The following EXOC4 variants were observed in gnomAD, a reference collection of about 807,000 sequenced individuals.
EXOC4 encodes exocyst complex component 4, also known as SEC8-like 1.
Under a neutral mutation model 107.2 loss-of-function variants are expected in EXOC4, and 71 were observed. The ratio of observed to expected loss-of-function variants is 0.66; its 90% CI spans 0.55 to 0.81. The LOEUF is 0.81. Among genes scored for constraint, EXOC4 ranks in the 30% least tolerant of loss-of-function variants. The pLI, the probability that EXOC4 is intolerant of heterozygous loss-of-function variation, is 0.00. For synonymous variants in EXOC4, 456 were observed against 441.2 expected, an observed-to-expected ratio of 1.03 and a Z score of -0.42; for missense variants, 1,108 against 1,189.6, an observed-to-expected ratio of 0.93 and a Z score of 1.01.
intron 1 of EXOC4, among the ~76,000 whole-genome samples, chr7:133,263,363 A>T (rs2150508848): frequency 6.6e-6 from 1 of 151,264 alleles, no homozygotes; most frequent in Admixed American, 6.6e-5. Flanking sequence ...TATGTTTTTT[A>T]AAAAAGCATT....
intron 9 of EXOC4, among the ~76,000 whole-genome samples, chr7:133,588,359 A>G (rs1004454794): frequency 6.6e-6 from 1 of 152,160 alleles, no homozygotes; most frequent in Non-Finnish European, 1.5e-5. Context: ...AAAATATTAA[A>G]TGATATCCTA....
intron 9 of EXOC4, among the ~76,000 whole-genome samples, chr7:133,501,522 T>A (rs2150887645): frequency 6.6e-6 from 1 of 152,262 alleles, no homozygotes. Context: ...ATATGTGTGA[T>A]AATATATGTC....
rs1163259405 is a variant in EXOC4 at position 133,787,963 on chromosome 7, TTATATATATATATATATATATATA to T, written c.1515-29336_1515-29313del. Among the ~76,000 whole-genome samples, 283 of 40,976 alleles carry T rather than the reference TTATATATATATATATATATATATA, an allele frequency of 6.9e-3. 15 individuals carry two copies. The highest frequency in any genetic ancestry group is 0.021 in the African/African-American group (250 of 12,166). 26.9% of individuals were successfully genotyped at this position (40,976 alleles called of 152,430 possible). A position where few individuals can be genotyped will look rare whatever the true frequency, so the allele number is the denominator to read the frequency against. On this transcript the variant is annotated intron_variant, in intron 10 of 17. Transcript: ENST00000253861. ...CTTCCCTGTGCATATATTTATATAT[TTATATATATATATATATATATATA>T]TATATATATATATATATATATATAT...
At chr7:133,581,749 C>T (rs1319126883) in intron 9 of EXOC4, among the ~76,000 whole-genome samples, 1 of 100,262 alleles carries the variant, frequency 1.0e-5, no homozygotes, top group African/African-American at 4.4e-5. Context: ...AAGAGTGAGA[C>T]TCCGTCTCAA....
At chr7:133,385,458 C>T (rs141595773) in intron 7 of EXOC4, among the ~76,000 whole-genome samples, 46 of 152,230 alleles carry the variant, frequency 3.0e-4, no homozygotes, top group African/African-American at 1.1e-3. Context: ...ACGTGATTAC[C>T]GGATTCAGCA....
At chr7:134,014,524 T>C (rs1794854009) in intron 17 of EXOC4, among the ~76,000 whole-genome samples, 1 of 152,200 alleles carries the variant, frequency 6.6e-6, no homozygotes. Context: ...TGAAACATTA[T>C]GTTAAATTTA....
intron 11 of EXOC4, among the ~76,000 whole-genome samples, chr7:133,827,283 G>A (rs183389380): frequency 2.6e-5 from 4 of 152,108 alleles, no homozygotes; most frequent in Non-Finnish European, 5.9e-5. Context: ...TTAATATACC[G>A]GCAGAACAGG....
At chr7:133,468,682 G>A (rs978362364) in intron 7 of EXOC4, among the ~76,000 whole-genome samples, 2 of 152,062 alleles carry the variant, frequency 1.3e-5, no homozygotes, top group South Asian at 2.1e-4. Flanking sequence ...CATGAAAACC[G>A]GGAGGCGCCT....
At chr7:133,499,734 C>T (rs1799542033) in intron 9 of EXOC4, among the ~76,000 whole-genome samples, 1 of 152,058 alleles carries the variant, frequency 6.6e-6, no homozygotes, top group African/African-American at 2.4e-5. Flanking sequence ...CCCCTCTGTG[C>T]TGCTCTTGTG....
Position 133,674,391 on chromosome 7 carries a change from A to G in EXOC4, c.1514+44250A>G, listed in dbSNP as rs145446408. ...TCAGGGTTGCTGGATTTTTTTATAC[A>G]TTCATACACTTAATTTATTTTAAAT... On this transcript the variant is annotated intron_variant, in intron 10 of 17. Coordinates refer to ENST00000253861, the MANE Select transcript of EXOC4 (RefSeq NM_021807.4). 3.9e-3 allele frequency among the ~76,000 whole-genome samples: 598 copies of G among 152,330 alleles called. 5 individuals are homozygous for G. The highest frequency in any genetic ancestry group is 7.9e-3 in the East Asian group (41 of 5,182).
intron 17 of EXOC4, among the ~76,000 whole-genome samples, chr7:134,031,020 C>A (rs1795258731): frequency 6.6e-6 from 1 of 152,140 alleles, no homozygotes; most frequent in Non-Finnish European, 1.5e-5. Flanking sequence ...TCAAAAGAAA[C>A]CACACACTTT....
intron 14 of EXOC4, among the ~76,000 whole-genome samples, chr7:133,977,496 G>A (rs1236723544): frequency 1.3e-5 from 2 of 152,084 alleles, no homozygotes; most frequent in Non-Finnish European, 2.9e-5. Flanking sequence ...CCTCCCACTC[G>A]TCCTCAGCCT....
At chr7:133,677,338 G>C (rs1276161768) in intron 10 of EXOC4, among the ~76,000 whole-genome samples, 1 of 152,014 alleles carries the variant, frequency 6.6e-6, no homozygotes, top group Non-Finnish European at 1.5e-5. Flanking sequence ...GTGATTTACT[G>C]TGCTTGATTT....
intron 11 of EXOC4, among the ~76,000 whole-genome samples, chr7:133,857,781 T>C (rs1417705383): frequency 6.6e-6 from 1 of 152,070 alleles, no homozygotes; most frequent in Non-Finnish European, 1.5e-5. Flanking sequence ...AACTCGGAGA[T>C]GCCAGCAACC....
rs1799288041 is a variant in EXOC4, at chr7:133,895,590, C to G, written c.1735-9C>G. Reference sequence around the variant, plus strand: ...AATCTCATATCCTCTCTTTGTTGTTCATTTCCAGAGCACAATCATTGTGGA... The same window carrying G: ...AATCTCATATCCTCTCTTTGTTGTTGATTTCCAGAGCACAATCATTGTGGA... On this transcript the variant is annotated splice_polypyrimidine_tract_variant and intron_variant, in intron 11 of 17. Coordinates refer to ENST00000253861, the MANE Select transcript of EXOC4 (RefSeq NM_021807.4). 6.2e-7 allele frequency: 1 copy of G among 1,613,066 alleles called. No homozygotes were observed. The highest frequency in any genetic ancestry group is 2.2e-5 in the East Asian group (1 of 44,842).
intron 9 of EXOC4, among the ~76,000 whole-genome samples, chr7:133,539,212 C>T (rs1800334899): frequency 6.6e-6 from 1 of 151,996 alleles, no homozygotes; most frequent in Admixed American, 6.5e-5. Context: ...GTGTCCTGCC[C>T]TCCCTGGGAA....
At chr7:133,413,665 G>A (rs918355907) in intron 7 of EXOC4, among the ~76,000 whole-genome samples, 17 of 152,082 alleles carry the variant, frequency 1.1e-4, no homozygotes, top group African/African-American at 3.4e-4. Flanking sequence ...TGCTGGAAGC[G>A]CAGAAGAATC....
chr7:133,913,096 A>G (rs1799732804), intron 12 of EXOC4, among the ~76,000 whole-genome samples: 1 of 152,214 alleles, frequency 6.6e-6, no homozygotes, highest in South Asian at 2.1e-4. Context: ...TTCTAGGCTG[A>G]GATGACACAC....
intron 7 of EXOC4, among the ~76,000 whole-genome samples, chr7:133,409,795 G>T (rs562747628): frequency 4.6e-5 from 7 of 152,196 alleles, no homozygotes; most frequent in African/African-American, 1.7e-4. Context: ...CCTCTTCATA[G>T]CTCTGAGTTA....
Sources: allele counts gnomAD v4.1 joint callset (sites outside exome capture counted in the v4.1 genomes callset), GRCh38; gene constraint gnomAD v4.1.1; transcripts MANE v1.5; gene names NCBI Gene and HGNC (gene_info 2026-07-23, HGNC 2026-07-21).